PRDM2: variants seen among roughly 807,000 people sequenced by gnomAD.
The protein encoded by PRDM2 is PR domain zinc finger protein 2.
Under a neutral mutation model 130.0 loss-of-function variants are expected in PRDM2, and 30 were observed. That is an observed-to-expected ratio of 0.23 (90% CI 0.17 to 0.31). PRDM2 has a LOEUF of 0.31. Among genes scored for constraint, PRDM2 ranks in the 10% least tolerant of loss-of-function variants. PRDM2 has a pLI of 1.00. For missense variants in PRDM2, 2,011 were observed against 2,108.4 expected, an observed-to-expected ratio of 0.95 and a Z score of 0.90; for synonymous variants, 871 against 782.4, an observed-to-expected ratio of 1.11 and a Z score of -1.89.
chr1:13,785,293 G>A (rs1401510521), intron 8 of PRDM2, among the ~76,000 whole-genome samples: 1 of 152,146 alleles, frequency 6.6e-6, no homozygotes. Context: ...CTTTCACTCT[G>A]TTTGCAGCTT....
chr1:13,737,172 AG>A (rs1429437433), intron 4 of PRDM2, among the ~76,000 whole-genome samples: 3 of 152,246 alleles, frequency 2.0e-5, no homozygotes, highest in African/African-American at 7.2e-5. Flanking sequence ...GCTGCTTTCT[AG>A]CAGTAGGGAA....
rs145507018 is a variant in PRDM2 at position 13,751,450 on chromosome 1, G to A, written c.511+1963G>A. On this transcript the variant is annotated intron_variant, in intron 6 of 9. Coordinates refer to ENST00000311066, the MANE Select transcript of PRDM2 (RefSeq NM_001393986.1). ...AAACTTTGGAGAGTTTAAGTAATGA[G>A]TCAAACCTTTTTTACTTTTAAATTA... Among the ~76,000 whole-genome samples, 280 of 151,350 alleles carry A rather than the reference G, an allele frequency of 1.9e-3. 1 individual carries two copies. The highest frequency in any genetic ancestry group is 3.0e-3 in the Non-Finnish European group (206 of 67,952).
chr1:13,774,428 GTGA>G (rs1456560109), intron 7 of PRDM2, among the ~76,000 whole-genome samples: 1 of 152,194 alleles, frequency 6.6e-6, no homozygotes, highest in Admixed American at 6.5e-5. Flanking sequence ...AGCACTGTTT[GTGA>G]TGATAACATT....
chr1:13,706,432 C>G (rs1346089448), intron 1 of PRDM2, among the ~76,000 whole-genome samples: 1 of 152,228 alleles, frequency 6.6e-6, no homozygotes, highest in Non-Finnish European at 1.5e-5. Context: ...CCCGGCTCCT[C>G]TTACAGGTGA....
intron 2 of PRDM2, among the ~76,000 whole-genome samples, chr1:13,725,273 C>T (rs539782990): frequency 1.8e-4 from 27 of 152,292 alleles, no homozygotes; most frequent in Non-Finnish European, 3.2e-4. Flanking sequence ...GGCATAACCT[C>T]GGCTCACTGC....
intron 8 of PRDM2, among the ~76,000 whole-genome samples, chr1:13,810,551 G>A (rs1326816316): frequency 1.6e-4 from 24 of 151,378 alleles, no homozygotes; most frequent in Non-Finnish European, 8.8e-5. Flanking sequence ...CTGGAGTGCA[G>A]TGGCACGATC....
chr1:13,792,269 AAAC>A (rs1438204589), intron 8 of PRDM2, among the ~76,000 whole-genome samples: 1 of 152,242 alleles, frequency 6.6e-6, no homozygotes, highest in Non-Finnish European at 1.5e-5. Flanking sequence ...TCACTTTAAA[AAAC>A]CTGGAATTTG....
chr1:13,703,960 T>C (rs1168443895), intron 1 of PRDM2, among the ~76,000 whole-genome samples: 1 of 152,270 alleles, frequency 6.6e-6, no homozygotes, highest in Non-Finnish European at 1.5e-5. Context: ...TACATTATAA[T>C]TTAAAGATAG....
chr1:13,818,527 C>T lies in PRDM2; in HGVS notation c.*23+1957C>T, dbSNP rs369164220. Among the ~76,000 whole-genome samples, 117 of 149,644 alleles carry T rather than the reference C, an allele frequency of 7.8e-4. 1 individual carries two copies. The South Asian group carries it at 0.023, about 30-fold the overall frequency. Reference sequence around the variant, plus strand: ...CTGAGTAGCTGGGACTACAGGCACCCGCCACTACTCCTGGCTAATTTTTTT... The same window carrying T: ...CTGAGTAGCTGGGACTACAGGCACCTGCCACTACTCCTGGCTAATTTTTTT... On this transcript the variant is annotated intron_variant, in intron 9 of 9. Transcript: ENST00000311066.
intron 8 of PRDM2, among the ~76,000 whole-genome samples, chr1:13,802,450 C>T (rs890761160): frequency 2.6e-5 from 4 of 152,168 alleles, no homozygotes; most frequent in African/African-American, 7.2e-5. Flanking sequence ...GGTTCCGGGT[C>T]GTCCAGTGTG....
chr1:13,777,239 C>T (rs75067059), intron 7 of PRDM2, among the ~76,000 whole-genome samples: 1,530 of 152,184 alleles, frequency 0.01, 22 homozygotes, highest in African/African-American at 0.035. Context: ...CTTGTAGTCC[C>T]GCCCTGCTGC....
intron 8 of PRDM2, among the ~76,000 whole-genome samples, chr1:13,794,860 A>G (rs1359391760): frequency 6.6e-6 from 1 of 152,244 alleles, no homozygotes; most frequent in East Asian, 1.9e-4. Context: ...CCAGAGAGAA[A>G]GCTCTCAAGT....
intron 6 of PRDM2, among the ~76,000 whole-genome samples, chr1:13,765,520 C>T (rs949368109): frequency 6.6e-6 from 1 of 151,928 alleles, no homozygotes; most frequent in Non-Finnish European, 1.5e-5. Context: ...GGCTGGAGTG[C>T]AGTGGCGGGA....
chr1:13,812,390 A>G (rs1254528600), intron 8 of PRDM2, among the ~76,000 whole-genome samples: 3 of 152,162 alleles, frequency 2.0e-5, no homozygotes, highest in African/African-American at 7.2e-5. Context: ...GCCTGCTTCA[A>G]ATGTGTGTGG....
chr1:13,817,696 C>T (rs1199694160), intron 9 of PRDM2, among the ~76,000 whole-genome samples: 1 of 151,836 alleles, frequency 6.6e-6, no homozygotes, highest in African/African-American at 2.4e-5. Flanking sequence ...AGGGCCAAAC[C>T]CCATTAAAAA....
intron 3 of PRDM2, among the ~76,000 whole-genome samples, chr1:13,731,902 A>G (rs1191771074): frequency 6.6e-6 from 1 of 152,188 alleles, no homozygotes; most frequent in Non-Finnish European, 1.5e-5. Flanking sequence ...GTTTGAACAT[A>G]TTGTTCAAAT....
rs1489441839 is a variant in PRDM2 at position 13,779,198 on chromosome 1, T to A, written c.1403T>A (p.Ile468Lys). Residue 468 changes from isoleucine (I) to lysine (K), a missense_variant, in exon 8 of 10, where the codon ATA (isoleucine) becomes AAA (lysine). Coordinates refer to ENST00000311066, the MANE Select transcript of PRDM2 (RefSeq NM_001393986.1). This position sits in a 1 kb window ranked among gnomAD's most constrained non-coding sequence, Gnocchi z 4.9. The part of the protein sequence containing the change: ...MNSEKASQDT[I>K]NSSVVEENGE... Reference sequence around the variant, plus strand: ...TCAGAGAAGGCTTCCCAAGACACAATAAATTCTTCTGTCGTAGAAGAGAAT... The same window carrying A: ...TCAGAGAAGGCTTCCCAAGACACAAAAAATTCTTCTGTCGTAGAAGAGAAT... The A allele has an allele frequency of 1.2e-6, 2 of 1,614,024 alleles. No homozygotes were observed. The highest frequency in any genetic ancestry group is 3.3e-5 in the Admixed American group (2 of 60,000).
intron 1 of PRDM2, among the ~76,000 whole-genome samples, chr1:13,705,816 T>C (rs930888954): frequency 1.8e-4 from 27 of 151,868 alleles, no homozygotes; most frequent in African/African-American, 5.8e-4. Flanking sequence ...ACCCCATCTC[T>C]ACTAAAAACG....
chr1:13,729,827 G>C (rs1268562293), intron 2 of PRDM2, among the ~76,000 whole-genome samples: 1 of 152,126 alleles, frequency 6.6e-6, no homozygotes, highest in Non-Finnish European at 1.5e-5. Flanking sequence ...TTGGGCTCTC[G>C]AGCTTGAAGC....
Sources: allele counts gnomAD v4.1 joint callset (sites outside exome capture counted in the v4.1 genomes callset), GRCh38; gene constraint gnomAD v4.1.1; non-coding constraint Gnocchi (gnomAD v3.1); transcripts MANE v1.5; gene names NCBI Gene and HGNC (gene_info 2026-07-23, HGNC 2026-07-21).